The following MTERF1 variants were observed in gnomAD, a reference collection of about 807,000 sequenced individuals.
MTERF1 encodes the protein transcription termination factor 1, mitochondrial.
A neutral mutation model predicts 31.6 loss-of-function variants in MTERF1; 29 were observed. The ratio of observed to expected loss-of-function variants is 0.92; its 90% CI spans 0.68 to 1.25. The LOEUF (loss-of-function observed/expected upper bound fraction) is 1.25, where lower values mean the gene tolerates loss of function less well. Among genes scored for constraint, MTERF1 ranks in the 50% most tolerant of loss-of-function variants. MTERF1 has a pLI of 0.00. For missense variants in MTERF1, 500 were observed against 469.1 expected (o/e 1.07, Z -0.61); for synonymous variants, 152 against 164.1 (o/e 0.93, Z 0.57).
chr7:91,880,375 CACA>C, intron 1 of MTERF1: 1 of 336,298 alleles, frequency 3.0e-6, no homozygotes, highest in Non-Finnish European at 5.5e-6. Flanking sequence ...CTTTACTCCC[CACA>C]ACAATTTAAA....
At chr7:91,878,954 C>T (rs1443512848) in intron 2 of MTERF1, among the ~76,000 whole-genome samples, 1 of 152,122 alleles carries the variant, frequency 6.6e-6, no homozygotes, top group Non-Finnish European at 1.5e-5. Context: ...ATCAGCCTGG[C>T]CAACATGACG....
At chr7:91,876,829 G>C (rs564603921) in intron 2 of MTERF1, 1 of 881,586 alleles carries the variant, frequency 1.1e-6, no homozygotes, top group African/African-American at 1.8e-5. Context: ...CATGAATTTA[G>C]AAACTTTAAA....
intron 2 of MTERF1, 47 bp from the exon 3 acceptor site, chr7:91,874,811 C>T: frequency 1.5e-6 from 2 of 1,333,020 alleles, no homozygotes; most frequent in Non-Finnish European, 2.1e-6. Flanking sequence ...ATGTGTTAAA[C>T]AACTAAATGA....
In MTERF1 at chr7:91,873,755, C is replaced by T. The variant is rs772570967; in HGVS notation, c.1039G>A (p.Glu347Lys). ...CTTGAATCCAGAACCCGAGGATTTT[C>T]GATTATTTGTGAAATGCTAATGTTT... ...EENISISQII[E>K]NPRVLDSSIS... Residue 347 changes from glutamate to lysine, a missense_variant, in exon 3 of 3, where the codon GAA becomes AAA. Glu to Lys is a moderately conservative substitution (Grantham distance 56). Coordinates refer to ENST00000351870, the MANE Select transcript of MTERF1 (RefSeq NM_006980.5). 8.1e-6 allele frequency: 13 copies of T among 1,613,902 alleles called. No homozygotes were observed. Among genetic ancestry groups the T allele is most frequent in the South Asian group, 2.2e-5 (2 of 91,070 alleles).
At position 91,873,836 on chromosome 7, in the gene MTERF1, C is replaced by T. The variant is rs769402682; in HGVS notation, c.958G>A (p.Val320Met). ...VQKFVLSYPD[V>M]IFLAEKKFND... is the part of the protein sequence containing the mutation. Reference sequence around the variant, plus strand: ...AACTTTTTCTCTGCCAAGAAGATCACATCTGGATAGCTTAAGACAAACTTC... The same window carrying T: ...AACTTTTTCTCTGCCAAGAAGATCATATCTGGATAGCTTAAGACAAACTTC... Residue 320 changes from valine (V) to methionine (M), a missense_variant, in exon 3 of 3, where the codon GTG becomes ATG. Val to Met is a conservative substitution (Grantham distance 21, BLOSUM62 1). Transcript: ENST00000351870. 1.2e-6 allele frequency: 2 copies of T among 1,614,104 alleles called. No individual in the cohort carries two copies. Among genetic ancestry groups the T allele is most frequent in the East Asian group, 2.2e-5 (1 of 44,878 alleles).
rs1789465999 is a variant in MTERF1 at position 91,880,100 on chromosome 7, G to A, written c.-17C>T. On this transcript the variant is annotated 5_prime_UTR_variant, in exon 2 of 3. Coordinates refer to ENST00000351870, the MANE Select transcript of MTERF1 (RefSeq NM_006980.5). The stretch of plus-strand genomic sequence containing the variant: ...GCTCTGCATCCCTCCAGAAAGGCTG[G>A]AGAACAGCTATCTCTGGAAATGACA... The A allele has an allele frequency of 6.2e-7, 1 of 1,613,548 alleles. No individual in the cohort carries two copies. Among genetic ancestry groups the A allele is most frequent in the Non-Finnish European group, 8.5e-7 (1 of 1,179,928 alleles).
At chr7:91,878,691 C>T (rs1789411342) in intron 2 of MTERF1, among the ~76,000 whole-genome samples, 1 of 152,020 alleles carries the variant, frequency 6.6e-6, no homozygotes, top group Admixed American at 6.6e-5. Context: ...AAACATTAGC[C>T]AACTGTAACA....
chr7:91,873,547 T>C lies in MTERF1; in HGVS notation c.*47A>G. The C allele has an allele frequency of 6.8e-7, 1 of 1,467,810 alleles. No individual in the cohort carries two copies. The highest frequency in any genetic ancestry group is 1.3e-5 in the South Asian group (1 of 74,186). The allele number at this position is 1,467,810 out of a possible 1,614,324, so 90.9% of individuals were successfully genotyped here. ...ACTTCTGCAAAATTCTTTTGCAATG[T>C]GGCATAACATATTCACAGTTCCTGA... On this transcript the variant is annotated 3_prime_UTR_variant, in exon 3 of 3. Coordinates refer to ENST00000351870, the MANE Select transcript of MTERF1 (RefSeq NM_006980.5).
chr7:91,873,941 A>G lies in MTERF1; in HGVS notation c.853T>C (p.Ser285Pro). 6.2e-7 allele frequency: 1 copy of G among 1,614,008 alleles called. No homozygotes were observed. The highest frequency in any genetic ancestry group is 8.5e-7 in the Non-Finnish European group (1 of 1,180,012). Residue 285 changes from serine (S) to proline (P), a missense_variant, in exon 3 of 3, where the codon TCC (serine) becomes CCC (proline). Coordinates refer to ENST00000351870, the MANE Select transcript of MTERF1 (RefSeq NM_006980.5). ...CGPGAEILDL[S>P]NDYARRSYAN... ...TAGCTTCTTCTGGCATAGTCATTGG[A>G]AAGGTCTAGGATTTCAGCTCCTGGA...
chr7:91,877,132 A>C (rs1318031716), intron 2 of MTERF1, among the ~76,000 whole-genome samples: 1 of 152,250 alleles, frequency 6.6e-6, no homozygotes. Flanking sequence ...TCAATAAACA[A>C]ATGTACATAT....
Position 91,873,733 on chromosome 7 carries a change from G to C in MTERF1, c.1061C>G (p.Ser354Ter). Residue 354 changes from serine (S) to a stop codon, truncating the protein, a stop_gained, in exon 3 of 3, where the codon TCA becomes TGA. Transcript: ENST00000351870. LOFTEE classifies it high-confidence loss of function. ...TCGACTTTTTAAAGTACTTATGCTTGAATCCAGAACCCGAGGATTTTCGAT... is the reference window on the plus strand; with the variant it reads ...TCGACTTTTTAAAGTACTTATGCTTCAATCCAGAACCCGAGGATTTTCGAT... ...QIIENPRVLD[S>*]SISTLKSRIK... The C allele has an allele frequency of 1.2e-6, 2 of 1,614,072 alleles. No homozygotes were observed. The highest frequency in any genetic ancestry group is 1.7e-6 in the Non-Finnish European group (2 of 1,180,002).
At position 91,880,645 on chromosome 7, in the gene MTERF1, T is replaced by A. The variant is rs574926928; in HGVS notation, c.-31+12A>T. On this transcript the variant is annotated intron_variant, in intron 1 of 2. Coordinates refer to ENST00000351870, the MANE Select transcript of MTERF1 (RefSeq NM_006980.5). ...AAAGGAAAGCACAGCCTCACCACCT[T>A]CCCAATCTCACCCTGAACTGCACCC... 2 of 153,702 alleles carry A rather than the reference T, an allele frequency of 1.3e-5. No homozygotes were observed. Among genetic ancestry groups the A allele is most frequent in the African/African-American group, 4.8e-5 (2 of 41,602 alleles). The allele number at this position is 153,702 out of a possible 1,614,324, so 9.5% of individuals were successfully genotyped here.
chr7:91,873,678 G>A lies in MTERF1; in HGVS notation c.1116C>T (p.Asn372=), dbSNP rs1187015281. 1 of 1,613,992 alleles carries A rather than the reference G, an allele frequency of 6.2e-7. No homozygotes were observed. The highest frequency in any genetic ancestry group is 1.1e-5 in the South Asian group (1 of 91,076). Residue 372 remains asparagine (N), a synonymous_variant, in exon 3 of 3, where the codon AAC becomes AAT. Transcript: ENST00000351870. The part of the protein sequence containing the change: ...RIKELVNAGC[N]LSTLNITLLS... ...GAAGAGTGATGTTTAAAGTACTCAAGTTACAGCCAGCATTTACCAATTCTT... is the reference window on the plus strand; with the variant it reads ...GAAGAGTGATGTTTAAAGTACTCAAATTACAGCCAGCATTTACCAATTCTT...
At chr7:91,879,454 T>C (rs545273115) in intron 2 of MTERF1, among the ~76,000 whole-genome samples, 1 of 152,346 alleles carries the variant, frequency 6.6e-6, no homozygotes, top group African/African-American at 2.4e-5. Context: ...GAAAGATTAT[T>C]AGAGGCTATG....
At position 91,874,070 on chromosome 7, in the gene MTERF1, G is replaced by C. The variant is rs143980432; in HGVS notation, c.724C>G (p.Pro242Ala). Reference sequence around the variant, plus strand: ...TTGGTGCTCTGAATTAAGATAAAAGGGTTTTTAAAAATTATCTTTCTGACA... The same window carrying C: ...TTGGTGCTCTGAATTAAGATAAAAGCGTTTTTAAAAATTATCTTTCTGACA... ...DFVRKIIFKN[P>A]FILIQSTKRV... The change falls in exon 3 of 3, where the codon CCT (proline) becomes GCT (alanine). Residue 242 changes from proline (P) to alanine (A), a missense_variant. Pro to Ala is a conservative substitution (Grantham distance 27, BLOSUM62 -1). Coordinates refer to ENST00000351870, the MANE Select transcript of MTERF1 (RefSeq NM_006980.5). 4.8e-4 allele frequency: 782 copies of C among 1,613,998 alleles called. 4 individuals carry two copies. The African/African-American group carries it at 8.9e-3, about 18-fold the overall frequency.
In MTERF1 at chr7:91,872,569, C is replaced by T. The variant is rs1222664661; in HGVS notation, c.*1025G>A. ...ATATAAATGGCCTTAGAAAAGCAGA[C>T]ATATTGTTTTTATCAATAGTAGGAA... On this transcript the variant is annotated 3_prime_UTR_variant, in exon 3 of 3. Coordinates refer to ENST00000351870, the MANE Select transcript of MTERF1 (RefSeq NM_006980.5). 2 of 152,134 alleles carry T rather than the reference C, an allele frequency of 1.3e-5. No homozygotes were observed. The highest frequency in any genetic ancestry group is 2.4e-5 in the African/African-American group (1 of 41,444). The allele number at this position is 152,134 out of a possible 1,614,324, so 9.4% of individuals were successfully genotyped here.
intron 1 of MTERF1, 79 bp downstream of exon 1, chr7:91,880,578 G>A: frequency 5.7e-6 from 1 of 173,952 alleles, no homozygotes; most frequent in Non-Finnish European, 1.2e-5. Flanking sequence ...GCAAAGGGCT[G>A]CACTGTACAG....
intron 2 of MTERF1, among the ~76,000 whole-genome samples, chr7:91,878,238 TAA>T (rs1562846177): frequency 6.6e-6 from 1 of 152,190 alleles, no homozygotes; most frequent in Non-Finnish European, 1.5e-5. Context: ...ATTACAATAC[TAA>T]AATGCAATAA....
intron 2 of MTERF1, among the ~76,000 whole-genome samples, chr7:91,876,310 A>G (rs533616763): frequency 6.2e-4 from 94 of 152,344 alleles, no homozygotes; most frequent in African/African-American, 2.1e-3. Flanking sequence ...CAGTACATAT[A>G]TATTTTTTAA....
Sources: gnomAD v4.1 joint callset for allele counts (sites outside exome capture counted in the v4.1 genomes callset) on GRCh38, gnomAD v4.1.1 for gene constraint, MANE v1.5 for transcripts, NCBI Gene and HGNC (gene_info 2026-07-23, HGNC 2026-07-21) for gene names.